Variants in PLEKHA5 observed in about 807,000 individuals in gnomAD.
The protein encoded by PLEKHA5 is pleckstrin homology domain containing A5.
In PLEKHA5, 55 loss-of-function variants were observed where a neutral mutation model predicts 181.9. The observed-to-expected ratio is 0.30, with a 90% confidence interval of 0.24 to 0.38. The LOEUF (loss-of-function observed/expected upper bound fraction) is 0.38, where lower values mean the gene tolerates loss of function less well. Among genes scored for constraint, PLEKHA5 ranks in the 10% least tolerant of loss-of-function variants. The pLI is 1.00. For synonymous variants in PLEKHA5, 535 were observed against 529.4 expected (o/e 1.01, Z -0.15); for missense variants, 1,432 against 1,549.5 (o/e 0.92, Z 1.27).
chr12:19,179,056 T>C lies in PLEKHA5; in HGVS notation c.227+46606T>C, dbSNP rs539585362. On this transcript the variant is annotated intron_variant, in intron 3 of 31. Transcript: ENST00000429027. ...GATGCACATTACCTCTTTCAGAAAT[T>C]CCTGAGTCATACATGATTACATTAT... Among the ~76,000 whole-genome samples, 5 of 152,362 alleles carry C rather than the reference T, an allele frequency of 3.3e-5. No homozygotes were observed. The South Asian group carries it at 8.3e-4, about 25-fold the overall frequency.
At chr12:19,357,544 C>T (rs1253032125) in intron 26 of PLEKHA5, among the ~76,000 whole-genome samples, 1 of 152,034 alleles carries the variant, frequency 6.6e-6, no homozygotes. Flanking sequence ...CTGCACCCAG[C>T]CTGCCCTGCC....
Position 19,204,202 on chromosome 12 carries a change from T to A in PLEKHA5, c.228-49738T>A, listed in dbSNP as rs117984146. Among the ~76,000 whole-genome samples, 87 of 152,082 alleles carry A rather than the reference T, an allele frequency of 5.7e-4. No individual in the cohort carries two copies. The East Asian group carries it at 0.015, about 27-fold the overall frequency. On this transcript the variant is annotated intron_variant, in intron 3 of 31. Coordinates refer to ENST00000429027, the MANE Select transcript of PLEKHA5 (RefSeq NM_001256470.2). ...AGAAGGGTGATTTACAATAGGGAAG[T>A]AATAGAGGTGACCAGGAAGGGTTGG...
rs146230880 is a variant in PLEKHA5 at position 19,257,954 on chromosome 12, A to T, written c.537+417A>T. Among the ~76,000 whole-genome samples the T allele has an allele frequency of 5.9e-3, 904 of 152,174 alleles. 7 individuals are homozygous for T. The highest frequency in any genetic ancestry group is 0.011 in the Non-Finnish European group (743 of 67,988). ...ATACAGTTGTATATTTCCCCCCTTT[A>T]TACAGAAATTTTACAATAATTTCAG... On this transcript the variant is annotated intron_variant, in intron 6 of 31. Coordinates refer to ENST00000429027, the MANE Select transcript of PLEKHA5 (RefSeq NM_001256470.2).
chr12:19,184,208 T>C (rs1236603362), intron 3 of PLEKHA5, among the ~76,000 whole-genome samples: 1 of 152,152 alleles, frequency 6.6e-6, no homozygotes, highest in Non-Finnish European at 1.5e-5. Context: ...ATTTTTAAAT[T>C]TTCATTCTAT....
At chr12:19,227,363 C>A (rs915460051) in intron 3 of PLEKHA5, among the ~76,000 whole-genome samples, 17 of 141,208 alleles carry the variant, frequency 1.2e-4, no homozygotes, top group African/African-American at 4.2e-4. Flanking sequence ...AATAGTTATT[C>A]TTGTAGAGTT....
In PLEKHA5 at chr12:19,213,530, T is replaced by C. The variant is rs570716030; in HGVS notation, c.228-40410T>C. Among the ~76,000 whole-genome samples the C allele has an allele frequency of 2.0e-5, 3 of 152,210 alleles. 1 individual carries two copies. The South Asian group carries it at 6.2e-4, about 32-fold the overall frequency. ...GGAGCATAGACAATCCTGCAGGCTTTGGTGAGGGTCATTTTTAAGGGTTTC... is the reference window on the plus strand; with the variant it reads ...GGAGCATAGACAATCCTGCAGGCTTCGGTGAGGGTCATTTTTAAGGGTTTC... On this transcript the variant is annotated intron_variant, in intron 3 of 31. Transcript: ENST00000429027.
At chr12:19,373,760 A>G (rs916775757) in intron 31 of PLEKHA5, 18 of 152,190 alleles carry the variant, frequency 1.2e-4, no homozygotes, top group South Asian at 2.1e-4. Context: ...GATTTCATCT[A>G]TGTAAAGACT....
In PLEKHA5 at chr12:19,361,711, T is replaced by C. The variant is rs773323976; in HGVS notation, c.3608+5T>C. ...GCCTGAGGATGTTACATTCAGGTAA[T>C]ATTTAAGAAAAGCAAAGGAATCATT... is the stretch of plus-strand genomic sequence containing the variant. On this transcript the variant is annotated splice_donor_5th_base_variant and intron_variant, in intron 29 of 31. Coordinates refer to ENST00000429027, the MANE Select transcript of PLEKHA5 (RefSeq NM_001256470.2). 16 of 1,589,662 alleles carry C rather than the reference T, an allele frequency of 1.0e-5. No homozygotes were observed. Among genetic ancestry groups the C allele is most frequent in the Non-Finnish European group, 1.3e-5 (15 of 1,169,214 alleles).
intron 3 of PLEKHA5, chr12:19,200,300 T>A (rs1255694928): frequency 2.0e-6 from 3 of 1,492,118 alleles, no homozygotes; most frequent in African/African-American, 1.4e-5. Context: ...ATTAAAACAA[T>A]TTTTTTTATC....
At chr12:19,336,391 A>C (rs927257229) in intron 20 of PLEKHA5, 124 bp from the exon 21 acceptor site, 3 of 547,734 alleles carry the variant, frequency 5.5e-6, no homozygotes, top group African/African-American at 3.9e-5. Flanking sequence ...AATGGTTATA[A>C]AAATTCCTGT....
chr12:19,215,771 A>G (rs1011862563), intron 3 of PLEKHA5, among the ~76,000 whole-genome samples: 4 of 152,204 alleles, frequency 2.6e-5, no homozygotes, highest in African/African-American at 9.6e-5. Context: ...TATAATATCA[A>G]TAGCTTGAAG....
intron 3 of PLEKHA5, among the ~76,000 whole-genome samples, chr12:19,193,320 TC>T (rs2051703100): frequency 6.6e-6 from 1 of 152,184 alleles, no homozygotes; most frequent in Non-Finnish European, 1.5e-5. Flanking sequence ...TTATGAGCTT[TC>T]AGTAGACCCC....
At chr12:19,140,462 C>T (rs1189249053) in intron 3 of PLEKHA5, among the ~76,000 whole-genome samples, 1 of 152,112 alleles carries the variant, frequency 6.6e-6, no homozygotes, top group Non-Finnish European at 1.5e-5. Flanking sequence ...AACATCTTGG[C>T]CACTAAGGAG....
intron 3 of PLEKHA5, among the ~76,000 whole-genome samples, chr12:19,144,062 A>T (rs1313298197): frequency 6.6e-6 from 1 of 152,236 alleles, no homozygotes; most frequent in East Asian, 1.9e-4. Flanking sequence ...ACTTGAGAAC[A>T]TATAAGAATG....
chr12:19,249,187 A>G (rs1257080173), intron 3 of PLEKHA5, among the ~76,000 whole-genome samples: 1 of 152,154 alleles, frequency 6.6e-6, no homozygotes, highest in East Asian at 1.9e-4. Flanking sequence ...AAAATTAGGC[A>G]CAGTAAAAGA....
At chr12:19,302,008 G>T (rs2081604809) in intron 15 of PLEKHA5, among the ~76,000 whole-genome samples, 2 of 151,978 alleles carry the variant, frequency 1.3e-5, no homozygotes, top group South Asian at 4.2e-4. Flanking sequence ...CCTCACCCTG[G>T]GCACATCAAA....
chr12:19,297,484 C>T (rs1032318800), intron 15 of PLEKHA5, among the ~76,000 whole-genome samples: 8 of 150,870 alleles, frequency 5.3e-5, no homozygotes, highest in African/African-American at 9.7e-5. Flanking sequence ...TAGCCGGGCG[C>T]GGTGGCGGGC....
intron 3 of PLEKHA5, among the ~76,000 whole-genome samples, chr12:19,138,586 A>AG (rs2036366527): frequency 6.6e-6 from 1 of 151,696 alleles, no homozygotes; most frequent in African/African-American, 2.4e-5. Context: ...AAAAAAAAAA[A>AG]AAGAAGATGC....
At chr12:19,161,315 T>C (rs921731351) in intron 3 of PLEKHA5, among the ~76,000 whole-genome samples, 49 of 152,300 alleles carry the variant, frequency 3.2e-4, no homozygotes, top group African/African-American at 1.1e-3. Flanking sequence ...CACAGCTTAT[T>C]TGAGTTAATC....
Sources: allele counts gnomAD v4.1 joint callset (sites outside exome capture counted in the v4.1 genomes callset), GRCh38; gene constraint gnomAD v4.1.1; transcripts MANE v1.5; gene names NCBI Gene and HGNC (gene_info 2026-07-23, HGNC 2026-07-21).